Variants in LARGE1 observed in about 807,000 individuals in gnomAD.
LARGE1 encodes the protein LARGE xylosyl- and glucuronyltransferase 1.
Under a neutral mutation model 87.6 loss-of-function variants are expected in LARGE1, and 43 were observed. That is an observed-to-expected ratio of 0.49 (90% CI 0.38 to 0.63). The LOEUF (loss-of-function observed/expected upper bound fraction) is 0.63, where lower values mean the gene tolerates loss of function less well. Ranked by LOEUF, LARGE1 falls within the 30% of genes least tolerant of loss-of-function variation. LARGE1 has a pLI of 0.00. For missense variants in LARGE1, 802 were observed against 1,000.2 expected (o/e 0.80, Z 2.67); for synonymous variants, 434 against 394.6 (o/e 1.10, Z -1.18).
chr22:33,458,550 T>C (rs1012305126), intron 6 of LARGE1, among the ~76,000 whole-genome samples: 2 of 152,052 alleles, frequency 1.3e-5, no homozygotes, highest in Admixed American at 1.3e-4. Flanking sequence ...TCCAGCCTCC[T>C]GAGTAGCTGG....
At chr22:33,645,759 G>GA (rs910375628) in intron 3 of LARGE1, among the ~76,000 whole-genome samples, 2 of 151,926 alleles carry the variant, frequency 1.3e-5, no homozygotes, top group African/African-American at 4.8e-5. Flanking sequence ...AAAAACAAAT[G>GA]ACCCCATCAA....
chr22:33,565,023 G>C lies in LARGE1; in HGVS notation c.616-4C>G, dbSNP rs776006507. 16 of 1,613,674 alleles carry C rather than the reference G, an allele frequency of 9.9e-6. No individual in the cohort carries two copies. In the East Asian group the frequency reaches 2.9e-4, roughly 29 times the overall value. On this transcript the variant is annotated splice_polypyrimidine_tract_variant and splice_region_variant and intron_variant, in intron 5 of 14. Transcript: ENST00000397394. The stretch of plus-strand genomic sequence containing the variant: ...TGGGGATCCAGGAAACTTCAGACTA[G>C]ACAGAACAAGGCAGAGAGAGAGTTG...
At chr22:33,528,564 T>C (rs1172523172) in intron 6 of LARGE1, among the ~76,000 whole-genome samples, 5 of 152,190 alleles carry the variant, frequency 3.3e-5, no homozygotes, top group Admixed American at 2.0e-4. Context: ...ACAAAAACTC[T>C]TATTGCACAT....
At chr22:33,405,393 T>A (rs2267199) in intron 7 of LARGE1, among the ~76,000 whole-genome samples, 2 of 152,148 alleles carry the variant, frequency 1.3e-5, no homozygotes, top group East Asian at 3.9e-4. Context: ...TCTGGCCAAG[T>A]GTGTGGCTGG....
At chr22:33,656,724 C>T (rs557484204) in intron 2 of LARGE1, among the ~76,000 whole-genome samples, 1 of 151,466 alleles carries the variant, frequency 6.6e-6, no homozygotes, top group East Asian at 2.0e-4. Context: ...ATCTGCGGTT[C>T]AGCCCACTTT....
At chr22:33,430,651 C>G (rs1376932310) in intron 7 of LARGE1, among the ~76,000 whole-genome samples, 2 of 152,212 alleles carry the variant, frequency 1.3e-5, no homozygotes, top group Non-Finnish European at 2.9e-5. Context: ...TAAGGAATGT[C>G]CCCGTCTCTT....
At chr22:33,806,206 T>C (rs1314548222) in intron 1 of LARGE1, among the ~76,000 whole-genome samples, 4 of 152,210 alleles carry the variant, frequency 2.6e-5, no homozygotes, top group Non-Finnish European at 5.9e-5. Flanking sequence ...TGATCTCTTG[T>C]ATCTGACTTC....
At chr22:33,653,194 A>G (rs1461370644) in intron 2 of LARGE1, among the ~76,000 whole-genome samples, 1 of 152,176 alleles carries the variant, frequency 6.6e-6, no homozygotes, top group African/African-American at 2.4e-5. Flanking sequence ...ATGGATCTGC[A>G]CCACGCTAGG....
intron 7 of LARGE1, among the ~76,000 whole-genome samples, chr22:33,429,755 T>C (rs1048668513): frequency 2.0e-5 from 3 of 152,042 alleles, no homozygotes; most frequent in Non-Finnish European, 4.4e-5. Flanking sequence ...TCCACCTCCA[T>C]GAAAGCTTGG....
At chr22:33,920,743 C>G (rs1168253041), upstream of LARGE1, among the ~76,000 whole-genome samples, 1 of 143,720 alleles carries the variant, frequency 7.0e-6, no homozygotes, top group African/African-American at 2.5e-5. Flanking sequence ...CGGGAGCGCT[C>G]GCCGGCCTTG....
intron 6 of LARGE1, among the ~76,000 whole-genome samples, chr22:33,553,870 G>A (rs938377673): frequency 5.9e-5 from 9 of 152,082 alleles, no homozygotes; most frequent in African/African-American, 1.9e-4. Flanking sequence ...GAGCCTAAAA[G>A]GGTCCTCCAG....
At chr22:33,628,403 G>GC (rs1327851585) in intron 3 of LARGE1, among the ~76,000 whole-genome samples, 2 of 149,494 alleles carry the variant, frequency 1.3e-5, no homozygotes, top group Admixed American at 6.7e-5. Context: ...TGCAACCTCT[G>GC]CCCCCCAGGT....
chr22:33,829,344 C>T (rs1246704260), intron 1 of LARGE1, among the ~76,000 whole-genome samples: 1 of 152,008 alleles, frequency 6.6e-6, no homozygotes, highest in East Asian at 1.9e-4. Context: ...ATCATCCCAC[C>T]CTTCACGCAT....
At position 33,795,423 on chromosome 22, in the gene LARGE1, GGAGGGA is replaced by G. The variant is rs554743605; in HGVS notation, c.-82-33871_-82-33866del. Among the ~76,000 whole-genome samples the G allele has an allele frequency of 2.6e-3, 403 of 152,246 alleles. 3 individuals are homozygous for G. The highest frequency in any genetic ancestry group is 9.2e-3 in the African/African-American group (384 of 41,558). ...ACGGATCTATGTATAAGAAGTTTTA[GGAGGGA>G]GAGGGAGAGAGAGAGACAAAGAGAG... On this transcript the variant is annotated intron_variant, in intron 1 of 14. Transcript: ENST00000397394.
chr22:33,902,953 G>GA (rs2065326841), intron 1 of LARGE1, among the ~76,000 whole-genome samples: 1 of 152,066 alleles, frequency 6.6e-6, no homozygotes, highest in African/African-American at 2.4e-5. Context: ...CTAACATGGC[G>GA]AAAGCTTGTC....
intron 11 of LARGE1, among the ~76,000 whole-genome samples, chr22:33,204,977 T>C (rs1026719419): frequency 2.0e-5 from 3 of 152,026 alleles, no homozygotes; most frequent in Non-Finnish European, 2.9e-5. Flanking sequence ...AACACATTTA[T>C]GAAATAAATG....
chr22:33,714,265 A>G (rs917048378), intron 2 of LARGE1, among the ~76,000 whole-genome samples: 5 of 152,106 alleles, frequency 3.3e-5, no homozygotes, highest in African/African-American at 1.2e-4. Context: ...AAAAATGAGG[A>G]GCCCCTCGTT....
intron 5 of LARGE1, chr22:33,572,392 C>T (rs1234747584): frequency 3.8e-5 from 11 of 291,474 alleles, no homozygotes; most frequent in South Asian, 3.2e-4. Context: ...GAAATGAGCA[C>T]GAGCTTTGGA....
intron 1 of LARGE1, among the ~76,000 whole-genome samples, chr22:33,800,522 G>A (rs569536157): frequency 3.7e-4 from 56 of 152,150 alleles, no homozygotes; most frequent in Non-Finnish European, 6.8e-4. Context: ...CTATCATCCT[G>A]AAGAAACTCC....
Sources: gnomAD v4.1 joint callset for allele counts (sites outside exome capture counted in the v4.1 genomes callset) on GRCh38, gnomAD v4.1.1 for gene constraint, MANE v1.5 for transcripts, NCBI Gene and HGNC (gene_info 2026-07-23, HGNC 2026-07-21) for gene names.